Variants in HIBCH observed in about 807,000 individuals in gnomAD.
The protein encoded by HIBCH is 3-hydroxyisobutyryl-CoA hydrolase, mitochondrial.
In HIBCH, 50 loss-of-function variants were observed where a neutral mutation model predicts 58.2. That is an observed-to-expected ratio of 0.86 (90% confidence interval 0.68 to 1.09). The LOEUF (loss-of-function observed/expected upper bound fraction) is 1.09, where lower values mean the gene tolerates loss of function less well. Ranked by LOEUF, HIBCH falls within the 50% of genes least tolerant of loss-of-function variation. The pLI is 0.00. For synonymous variants in HIBCH, 151 were observed against 146.9 expected, an observed-to-expected ratio of 1.03 and a Z score of -0.20; for missense variants, 450 against 449.7, an observed-to-expected ratio of 1.00 and a Z score of -0.01.
chr2:190,205,772 T>C (rs959509433), intron 13 of HIBCH, among the ~76,000 whole-genome samples: 2 of 152,166 alleles, frequency 1.3e-5, no homozygotes, highest in African/African-American at 4.8e-5. Flanking sequence ...AATCAGGTTA[T>C]CATGAAACCG....
rs1357926359 is a variant in HIBCH at position 190,281,869 on chromosome 2, T to C, written c.438+5717A>G. On this transcript the variant is annotated intron_variant, in intron 6 of 13. Transcript: ENST00000359678. This position sits in a 1 kb window ranked among gnomAD's most constrained non-coding sequence, Gnocchi z 5.4. Reference sequence around the variant, plus strand: ...CTGAATTCCATAAAGCCCTCAGACATGGACACATCCAGCCAGGTTCTTTGT... The same window carrying C: ...CTGAATTCCATAAAGCCCTCAGACACGGACACATCCAGCCAGGTTCTTTGT... Among the ~76,000 whole-genome samples the C allele has an allele frequency of 1.3e-5, 2 of 152,194 alleles. No homozygotes were observed. Among genetic ancestry groups the C allele is most frequent in the Non-Finnish European group, 2.9e-5 (2 of 68,038 alleles).
intron 7 of HIBCH, among the ~76,000 whole-genome samples, chr2:190,258,107 TC>T (rs777857486): frequency 9.2e-5 from 14 of 152,160 alleles, no homozygotes; most frequent in East Asian, 1.9e-4. Context: ...GGGGCAGATT[TC>T]CCCCTTGCTG....
chr2:190,268,328 G>A (rs192181337), intron 6 of HIBCH, among the ~76,000 whole-genome samples: 4 of 152,022 alleles, frequency 2.6e-5, no homozygotes, highest in Admixed American at 6.6e-5. Context: ...TTTTAACTGC[G>A]TTATTATTAA....
Position 190,298,121 on chromosome 2 carries a change from T to C in HIBCH, c.79-1168A>G, listed in dbSNP as rs531683769. 5.3e-5 allele frequency among the ~76,000 whole-genome samples: 8 copies of C among 152,162 alleles called. No homozygotes were observed. The South Asian group carries it at 1.7e-3, about 32-fold the overall frequency. On this transcript the variant is annotated intron_variant, in intron 2 of 13. Coordinates refer to ENST00000359678, the MANE Select transcript of HIBCH (RefSeq NM_014362.4). ...CATGGCTGCATAGTATTCCATGGTG[T>C]ATATGTGCCACATTTTCTTTATCCA...
At chr2:190,252,717 A>G (rs898548334) in intron 7 of HIBCH, among the ~76,000 whole-genome samples, 2 of 152,232 alleles carry the variant, frequency 1.3e-5, no homozygotes, top group Non-Finnish European at 2.9e-5. Flanking sequence ...TAGCAAAATT[A>G]TTACCATTTA....
At chr2:190,222,852 C>A (rs1003099961) in intron 11 of HIBCH, among the ~76,000 whole-genome samples, 1 of 152,186 alleles carries the variant, frequency 6.6e-6, no homozygotes, top group Non-Finnish European at 1.5e-5. Flanking sequence ...TGCAAAATAG[C>A]AAAGACTTGG....
At chr2:190,273,685 T>C (rs1392162118) in intron 6 of HIBCH, among the ~76,000 whole-genome samples, 1 of 136,468 alleles carries the variant, frequency 7.3e-6, no homozygotes, top group Non-Finnish European at 1.6e-5. Flanking sequence ...AAAGCTCCTT[T>C]CATATCTTCC....
At chr2:190,307,325 T>A (rs931088816) in intron 2 of HIBCH, among the ~76,000 whole-genome samples, 1 of 152,214 alleles carries the variant, frequency 6.6e-6, no homozygotes, top group African/African-American at 2.4e-5. Flanking sequence ...GTTTTCTCCA[T>A]ATCCAGGTCA....
chr2:190,287,510 A>G, intron 6 of HIBCH, 76 bp downstream of exon 6: 1 of 934,492 alleles, frequency 1.1e-6, no homozygotes, highest in Admixed American at 1.8e-5. Flanking sequence ...TCATCAGCTC[A>G]CTTCTGTTTA....
intron 11 of HIBCH, among the ~76,000 whole-genome samples, chr2:190,235,618 GC>G (rs1207250472): frequency 1.3e-5 from 2 of 152,092 alleles, no homozygotes; most frequent in Admixed American, 1.3e-4. Context: ...ATTACAATCT[GC>G]CCCCAGTCAT....
intron 9 of HIBCH, among the ~76,000 whole-genome samples, chr2:190,248,120 C>T (rs1686661231): frequency 6.6e-6 from 1 of 152,170 alleles, no homozygotes; most frequent in African/African-American, 2.4e-5. Flanking sequence ...TGGTATTTGT[C>T]TAAGTTTCCT....
chr2:190,248,430 T>C (rs552213913), intron 9 of HIBCH, among the ~76,000 whole-genome samples: 4 of 152,308 alleles, frequency 2.6e-5, no homozygotes, highest in South Asian at 2.1e-4. Flanking sequence ...TCCAACTTAG[T>C]ATATCTCACC....
intron 3 of HIBCH, among the ~76,000 whole-genome samples, chr2:190,295,830 G>C (rs1183297773): frequency 6.6e-6 from 1 of 152,200 alleles, no homozygotes; most frequent in African/African-American, 2.4e-5. Context: ...CTCATCAAAA[G>C]AAGAATTAAG....
chr2:190,273,217 A>C (rs972309967), intron 6 of HIBCH, among the ~76,000 whole-genome samples: 6 of 152,124 alleles, frequency 3.9e-5, no homozygotes, highest in African/African-American at 9.6e-5. Flanking sequence ...ACATGGTGAA[A>C]CCTCAACTCT....
intron 5 of HIBCH, 29 bp downstream of exon 5, chr2:190,290,376 T>C: frequency 6.9e-7 from 1 of 1,448,166 alleles, no homozygotes; most frequent in Non-Finnish European, 9.7e-7. Context: ...TTTATTCCAT[T>C]TCCAAAGCTC....
At chr2:190,261,273 A>C in intron 6 of HIBCH, 39 bp from the exon 7 acceptor site, 1 of 1,415,078 alleles carries the variant, frequency 7.1e-7, no homozygotes, top group South Asian at 1.2e-5. Flanking sequence ...GGGGGGAATT[A>C]AACATATTGT....
intron 11 of HIBCH, among the ~76,000 whole-genome samples, chr2:190,229,440 T>G (rs6707597): frequency 0.013 from 1,911 of 152,322 alleles, 47 homozygotes; most frequent in African/African-American, 0.042. Flanking sequence ...ATTTCCAATC[T>G]GCTAACATGC....
intron 5 of HIBCH, among the ~76,000 whole-genome samples, chr2:190,288,889 A>C (rs1364200241): frequency 2.6e-5 from 4 of 152,110 alleles, no homozygotes; most frequent in Admixed American, 6.5e-5. Context: ...GGGCAGATGG[A>C]TCACCTAGGG....
At chr2:190,249,575 C>T in intron 9 of HIBCH, 65 bp downstream of exon 9, 2 of 867,250 alleles carry the variant, frequency 2.3e-6, no homozygotes, top group Non-Finnish European at 3.9e-6. Flanking sequence ...CACCAACTGC[C>T]AGTTTTTTAA....
Sources: gnomAD v4.1 joint callset for allele counts (sites outside exome capture counted in the v4.1 genomes callset) on GRCh38, gnomAD v4.1.1 for gene constraint, Gnocchi (gnomAD v3.1) non-coding constraint, MANE v1.5 for transcripts, NCBI Gene and HGNC (gene_info 2026-07-23, HGNC 2026-07-21) for gene names.